NRG3: variants seen among roughly 807,000 people sequenced by gnomAD.
NRG3 encodes neuregulin 3, also known as pro-neuregulin-3, membrane-bound isoform.
Under a neutral mutation model 66.9 loss-of-function variants are expected in NRG3, and 31 were observed. The observed-to-expected ratio is 0.46, with a 90% CI of 0.35 to 0.63. NRG3 has a LOEUF of 0.63. NRG3 is among the 20% of genes least tolerant of loss of function. The pLI is 0.00. For missense variants in NRG3, 910 were observed against 878.9 expected (o/e 1.04, Z -0.45); for synonymous variants, 393 against 359.4 (o/e 1.09, Z -1.06).
chr10:82,567,456 A>G (rs935065281), intron 2 of NRG3, among the ~76,000 whole-genome samples: 1 of 151,974 alleles, frequency 6.6e-6, no homozygotes, highest in East Asian at 1.9e-4. Flanking sequence ...CTGCCTGGGT[A>G]TAAAGAATGT....
At chr10:82,491,316 A>ATATATATATATATATATATATATAT (rs1389375279) in intron 2 of NRG3, among the ~76,000 whole-genome samples, 4 of 136,812 alleles carry the variant, frequency 2.9e-5, no homozygotes, top group African/African-American at 1.0e-4. Context: ...ATATATATAT[A>ATATATATATATATATATATATATAT]AAATAAAGAT....
At chr10:82,739,229 A>T (rs1415873492) in intron 3 of NRG3, among the ~76,000 whole-genome samples, 1 of 152,232 alleles carries the variant, frequency 6.6e-6, no homozygotes, top group Admixed American at 6.5e-5. Flanking sequence ...AGACTAAAAA[A>T]TATGGCTAGT....
At chr10:81,963,334 C>A (rs113237292) in intron 1 of NRG3, among the ~76,000 whole-genome samples, 5,025 of 150,488 alleles carry the variant, frequency 0.033, 106 homozygotes, top group Non-Finnish European at 0.047. Flanking sequence ...GGGGTTTCAC[C>A]GTTTTAGCCG....
chr10:81,967,119 G>A (rs892359930), intron 1 of NRG3, among the ~76,000 whole-genome samples: 2 of 151,084 alleles, frequency 1.3e-5, no homozygotes, highest in Non-Finnish European at 3.0e-5. Context: ...ATTTTAATAG[G>A]TCCCTAATAT....
intron 1 of NRG3, among the ~76,000 whole-genome samples, chr10:81,913,992 A>G (rs1845429113): frequency 1.3e-5 from 2 of 152,320 alleles, no homozygotes; most frequent in East Asian, 1.9e-4. Flanking sequence ...CACTTGTATC[A>G]AGCGGTACAG....
chr10:82,723,342 T>C (rs1415616831), intron 2 of NRG3, among the ~76,000 whole-genome samples: 3 of 151,904 alleles, frequency 2.0e-5, no homozygotes, highest in Non-Finnish European at 2.9e-5. Context: ...GGGGCAAGGG[T>C]TGAAAAACTA....
chr10:82,482,993 A>C (rs1395679433), intron 2 of NRG3, among the ~76,000 whole-genome samples: 1 of 152,216 alleles, frequency 6.6e-6, no homozygotes, highest in Admixed American at 6.5e-5. Context: ...ACAATCTTGC[A>C]AGGATGCAAG....
intron 4 of NRG3, among the ~76,000 whole-genome samples, chr10:82,875,226 A>G (rs1219538903): frequency 6.6e-6 from 1 of 152,162 alleles, no homozygotes; most frequent in African/African-American, 2.4e-5. Flanking sequence ...CTGATAGAAA[A>G]CATTTGCCAA....
chr10:82,552,468 C>T (rs1590638018), intron 2 of NRG3, among the ~76,000 whole-genome samples: 3 of 152,220 alleles, frequency 2.0e-5, no homozygotes, highest in Middle Eastern at 6.8e-3. Context: ...TTAAAAAATG[C>T]TGACTAATGT....
chr10:82,537,986 A>G (rs965434043), intron 2 of NRG3, among the ~76,000 whole-genome samples: 1 of 152,188 alleles, frequency 6.6e-6, no homozygotes, highest in African/African-American at 2.4e-5. Context: ...TAATATGGCA[A>G]CACATTCCCT....
chr10:82,315,739 C>T (rs993687186), intron 1 of NRG3, among the ~76,000 whole-genome samples: 9 of 150,068 alleles, frequency 6.0e-5, no homozygotes, highest in African/African-American at 1.2e-4. Context: ...CGTGTCGGCT[C>T]GCTGCAACCT....
At chr10:82,976,689 C>T (rs1852287638) in intron 7 of NRG3, among the ~76,000 whole-genome samples, 1 of 152,108 alleles carries the variant, frequency 6.6e-6, no homozygotes, top group Non-Finnish European at 1.5e-5. Flanking sequence ...GCTCTTATGT[C>T]CTCTGGTTTC....
At chr10:82,749,752 CA>C (rs973661765) in intron 3 of NRG3, among the ~76,000 whole-genome samples, 9 of 146,288 alleles carry the variant, frequency 6.2e-5, no homozygotes, top group African/African-American at 1.0e-4. Flanking sequence ...TAGAAGTTTC[CA>C]AAGGGTTCAC....
chr10:82,209,155 T>C (rs931666760), intron 1 of NRG3, among the ~76,000 whole-genome samples: 4 of 152,174 alleles, frequency 2.6e-5, no homozygotes, highest in Non-Finnish European at 5.9e-5. Flanking sequence ...TCAGAAATTC[T>C]CAGAATATGA....
chr10:82,979,042 T>A lies in NRG3; in HGVS notation c.1505T>A (p.Leu502Gln), dbSNP rs1324248494. 1 of 1,613,958 alleles carries A rather than the reference T, an allele frequency of 6.2e-7. No homozygotes were observed. Among genetic ancestry groups the A allele is most frequent in the African/African-American group, 1.3e-5 (1 of 74,918 alleles). Residue 502 changes from leucine (L) to glutamine (Q), a missense_variant, in exon 8 of 9, where the codon CTA becomes CAA. Transcript: ENST00000372141. ...ACACCCCCGTCACCCCGAAGTAGGC[T>A]AGGTGGAATTGTGGGACCAGCATAT... ...RRTPPSPRSR[L>Q]GGIVGPAYQQ...
chr10:82,330,906 C>T (rs543723811), intron 1 of NRG3, among the ~76,000 whole-genome samples: 48 of 152,312 alleles, frequency 3.2e-4, no homozygotes, highest in Admixed American at 6.5e-4. Flanking sequence ...TTCTGGCCAT[C>T]TAGTGGTCTA....
intron 3 of NRG3, among the ~76,000 whole-genome samples, chr10:82,783,269 T>A (rs1219122677): frequency 6.6e-6 from 1 of 150,872 alleles, no homozygotes; most frequent in Non-Finnish European, 1.5e-5. Context: ...GGGCAAAAAC[T>A]GGAAGCATTC....
intron 1 of NRG3, among the ~76,000 whole-genome samples, chr10:81,935,742 C>T (rs1244130299): frequency 6.6e-6 from 1 of 152,180 alleles, no homozygotes; most frequent in Non-Finnish European, 1.5e-5. Flanking sequence ...TTCAGGACCA[C>T]CTCCTCTGAG....
chr10:82,331,108 A>G (rs899787589), intron 1 of NRG3, among the ~76,000 whole-genome samples: 1 of 152,156 alleles, frequency 6.6e-6, no homozygotes, highest in African/African-American at 2.4e-5. Context: ...CTCTGCCTGC[A>G]TGTAGACCTG....
Sources: allele counts gnomAD v4.1 joint callset (sites outside exome capture counted in the v4.1 genomes callset), GRCh38; gene constraint gnomAD v4.1.1; transcripts MANE v1.5; gene names NCBI Gene and HGNC (gene_info 2026-07-23, HGNC 2026-07-21).